The following PARP14 variants were observed in gnomAD, a reference collection of about 807,000 sequenced individuals.
PARP14 encodes the protein poly(ADP-ribose) polymerase family member 14, also known as protein mono-ADP-ribosyltransferase PARP14.
Under a neutral mutation model 154.2 loss-of-function variants are expected in PARP14, and 59 were observed. The ratio of observed to expected loss-of-function variants is 0.38; its 90% CI spans 0.31 to 0.48. The LOEUF (loss-of-function observed/expected upper bound fraction) is 0.48. Among genes scored for constraint, PARP14 ranks in the 20% least tolerant of loss-of-function variants. PARP14 has a pLI of 0.98. For synonymous variants in PARP14, 720 were observed against 780.5 expected, an observed-to-expected ratio of 0.92 and a Z score of 1.29; for missense variants, 1,734 against 2,131.6, an observed-to-expected ratio of 0.81 and a Z score of 3.67.
Position 122,683,268 on chromosome 3 carries a change from A to G in PARP14, c.188-1917A>G, listed in dbSNP as rs978047241. ...AGTGCATTCTTCTTCTGCAGAGGAC[A>G]CTCTCCACCCTCCATGCCAGGAAGT... is the stretch of plus-strand genomic sequence containing the variant. On this transcript the variant is annotated intron_variant, in intron 1 of 16. Coordinates refer to ENST00000474629, the MANE Select transcript of PARP14 (RefSeq NM_017554.3). 1.3e-5 allele frequency: 13 copies of G among 983,056 alleles called. No homozygotes were observed. The African/African-American group carries it at 1.9e-4, about 15-fold the overall frequency. 60.9% of individuals were successfully genotyped at this position (983,056 alleles called of 1,614,324 possible).
chr3:122,725,101 CT>C (rs1933254924), intron 15 of PARP14, among the ~76,000 whole-genome samples: 1 of 152,166 alleles, frequency 6.6e-6, no homozygotes, highest in African/African-American at 2.4e-5. Flanking sequence ...ACATTTCCTC[CT>C]TTTCTTTTCG....
chr3:122,723,142 G>A (rs780792713), intron 15 of PARP14, among the ~76,000 whole-genome samples: 7 of 152,046 alleles, frequency 4.6e-5, no homozygotes, highest in Non-Finnish European at 2.9e-5. Context: ...GTTTCACCAT[G>A]TTGGCCAGGC....
chr3:122,697,256 G>A (rs1458343254), intron 5 of PARP14, among the ~76,000 whole-genome samples: 2 of 152,170 alleles, frequency 1.3e-5, no homozygotes, highest in Non-Finnish European at 2.9e-5. Context: ...ACCCAGCTTA[G>A]CTTCTCCTTC....
rs1020154017 is a variant in PARP14 at position 122,687,204 on chromosome 3, G to T, written c.355+91G>T. On this transcript the variant is annotated intron_variant, in intron 3 of 16. Coordinates refer to ENST00000474629, the MANE Select transcript of PARP14 (RefSeq NM_017554.3). ...TTGAGGGAGTCAGCCCTCTCTTCTT[G>T]ACTTCCACTATGCAGGATGTGCTCC... The T allele has an allele frequency of 1.4e-5, 12 of 854,280 alleles. No homozygotes were observed. The African/African-American group carries it at 1.7e-4, about 12-fold the overall frequency. The allele number at this position is 854,280 out of a possible 1,614,324, so 52.9% of individuals were successfully genotyped here.
chr3:122,724,460 ATTTTTTTTTTTTT>A (rs956215914), intron 15 of PARP14, among the ~76,000 whole-genome samples: 1 of 102,036 alleles, frequency 9.8e-6, no homozygotes, highest in Non-Finnish European at 2.0e-5. Flanking sequence ...CACCACGCCT[ATTTTTTTTTTTTT>A]TTTTTTTTTG....
At chr3:122,722,283 G>T (rs1374468901) in intron 15 of PARP14, 3 of 152,026 alleles carry the variant, frequency 2.0e-5, no homozygotes, top group Non-Finnish European at 4.4e-5. Context: ...ATTCTATGAG[G>T]CACCAAGACA....
rs533157347 is a variant in PARP14, at chr3:122,683,152, C to G, written c.188-2033C>G. ...TTCTTGGGGGTGGAAAATCCCTAGT[C>G]AGTTTCAGTTTCCTACTTGAGGAAC... On this transcript the variant is annotated intron_variant, in intron 1 of 16. Coordinates refer to ENST00000474629, the MANE Select transcript of PARP14 (RefSeq NM_017554.3). 37 of 179,664 alleles carry G rather than the reference C, an allele frequency of 2.1e-4. No individual in the cohort carries two copies. In the South Asian group the frequency reaches 6.9e-3, roughly 34 times the overall value. 11.1% of individuals were successfully genotyped at this position (179,664 alleles called of 1,614,324 possible).
At chr3:122,722,075 A>T (rs1933178167) in intron 15 of PARP14, 2 of 152,232 alleles carry the variant, frequency 1.3e-5, no homozygotes, top group African/African-American at 4.8e-5. Context: ...TAAATCAAAA[A>T]GCAAACCATT....
intron 3 of PARP14, among the ~76,000 whole-genome samples, chr3:122,690,870 G>A (rs1005038900): frequency 2.0e-5 from 3 of 152,230 alleles, no homozygotes; most frequent in African/African-American, 7.2e-5. Flanking sequence ...AGCTGTGATG[G>A]TGGTGGGAGT....
At chr3:122,689,445 A>G (rs1383802007) in intron 3 of PARP14, among the ~76,000 whole-genome samples, 1 of 152,164 alleles carries the variant, frequency 6.6e-6, no homozygotes. Flanking sequence ...AGCTGGGGCT[A>G]TTATAACATG....
At chr3:122,728,079 ATC>A in intron 16 of PARP14, 93 bp downstream of exon 16, 1 of 1,179,520 alleles carries the variant, frequency 8.5e-7, no homozygotes, top group Non-Finnish European at 1.2e-6. Flanking sequence ...GTGGTCCCCC[ATC>A]ATTGGTGGCC....
chr3:122,703,296 T>A (rs909610320), intron 6 of PARP14, among the ~76,000 whole-genome samples: 1 of 152,146 alleles, frequency 6.6e-6, no homozygotes, highest in Non-Finnish European at 1.5e-5. Context: ...GCCCCCTAGT[T>A]TACCCCCAGT....
At chr3:122,702,286 GGCTCACTGCAACCTCC>G (rs1474658332) in intron 6 of PARP14, among the ~76,000 whole-genome samples, 1 of 152,040 alleles carries the variant, frequency 6.6e-6, no homozygotes, top group East Asian at 1.9e-4. Context: ...GCACCATCTC[GGCTCACTGCAACCTCC>G]GCCCCCTGGG....
Position 122,714,383 on chromosome 3 carries a change from T to A in PARP14, c.3954T>A (p.Cys1318Ter), listed in dbSNP as rs1371267774. 2 of 1,579,786 alleles carry A rather than the reference T, an allele frequency of 1.3e-6. No individual in the cohort carries two copies. Among genetic ancestry groups the A allele is most frequent in the South Asian group, 2.3e-5 (2 of 85,358 alleles). The part of the protein sequence containing the change: ...KSSVSSVLQE[C>*]EKKNYSSICL... ...CAGTTTCCTCTGTTTTGCAGGAGTG[T>A]GAAAAAAAAAATTACTCATCCATTT... The change falls in exon 12 of 17, where the codon TGT (cysteine) becomes TGA (stop). Residue 1318 changes from cysteine to a stop codon, truncating the protein, a stop_gained. Coordinates refer to ENST00000474629, the MANE Select transcript of PARP14 (RefSeq NM_017554.3). LOFTEE classifies it high-confidence loss of function.
In PARP14 at chr3:122,703,919, C is replaced by T. The variant is rs747259851; in HGVS notation, c.3259C>T (p.Arg1087Cys). 18 of 1,613,804 alleles carry T rather than the reference C, an allele frequency of 1.1e-5. No homozygotes were observed. The highest frequency in any genetic ancestry group is 5.5e-5 in the South Asian group (5 of 91,072). Residue 1087 changes from arginine to cysteine, a missense_variant, in exon 7 of 17, where the codon CGC becomes TGC. Arg to Cys is a radical substitution (Grantham distance 180). Around this residue, in one of 2 missense-constraint regions of PARP14, gnomAD observed 1,646 missense variants for 1,976.0 expected, o/e 0.83. Transcript: ENST00000474629. ...LKTSSWNLDC[R>C]YVLHVVAPEW... ...AACCAGCAGCTGGAATCTGGACTGT[C>T]GCTATGTGCTTCACGTGGTAGCTCC...
chr3:122,725,243 G>A lies in PARP14; in HGVS notation c.4942-2569G>A, dbSNP rs912937787. On this transcript the variant is annotated intron_variant, in intron 15 of 16. Coordinates refer to ENST00000474629, the MANE Select transcript of PARP14 (RefSeq NM_017554.3). ...CCATACGGGGCGGTTGGGCAGAGGCGCTCACTTCCTAGACAGGGCGGCCGG... is the reference window on the plus strand; with the variant it reads ...CCATACGGGGCGGTTGGGCAGAGGCACTCACTTCCTAGACAGGGCGGCCGG... Among the ~76,000 whole-genome samples, 6 of 151,986 alleles carry A rather than the reference G, an allele frequency of 3.9e-5. No individual in the cohort carries two copies. The South Asian group carries it at 6.2e-4, about 16-fold the overall frequency.
chr3:122,699,358 G>A (rs1938875656), intron 5 of PARP14, 32 bp from the exon 6 acceptor site: 1 of 1,384,172 alleles, frequency 7.2e-7, no homozygotes, highest in Non-Finnish European at 1.0e-6. Context: ...TATCATCCTG[G>A]GCTTACATTA....
intron 5 of PARP14, among the ~76,000 whole-genome samples, chr3:122,696,591 A>G (rs1276012663): frequency 1.3e-5 from 2 of 152,114 alleles, no homozygotes; most frequent in Non-Finnish European, 2.9e-5. Context: ...AGGGAGAGAG[A>G]GGGGTACATA....
At chr3:122,686,529 G>T (rs1377145451) in intron 2 of PARP14, among the ~76,000 whole-genome samples, 1 of 152,060 alleles carries the variant, frequency 6.6e-6, no homozygotes, top group Non-Finnish European at 1.5e-5. Context: ...CACCACCATA[G>T]CTCACTGTAA....
Sources: allele counts gnomAD v4.1 joint callset (sites outside exome capture counted in the v4.1 genomes callset), GRCh38; gene constraint gnomAD v4.1.1; regional missense constraint gnomAD v4.1.1; transcripts MANE v1.5; gene names NCBI Gene and HGNC (gene_info 2026-07-23, HGNC 2026-07-21).